The following N4BP2 variants were observed in gnomAD, a reference collection of about 807,000 sequenced individuals.
The protein encoded by N4BP2 is NEDD4-binding protein 2.
A neutral mutation model predicts 152.8 loss-of-function variants in N4BP2; 91 were observed. That is an observed-to-expected ratio of 0.60 (90% confidence interval 0.50 to 0.71). N4BP2 has a LOEUF of 0.71. Ranked by LOEUF, N4BP2 falls within the 30% of genes least tolerant of loss-of-function variation. The pLI, the probability that N4BP2 is intolerant of heterozygous loss-of-function variation, is 0.00. For missense variants in N4BP2, 1,923 were observed against 2,059.1 expected (o/e 0.93, Z 1.28); for synonymous variants, 646 against 705.3 (o/e 0.92, Z 1.33).
rs2109963881 is a variant in N4BP2 at position 40,103,089 on chromosome 4, A to G, written c.1244A>G (p.Asp415Gly). The change falls in exon 4 of 18, where the codon GAT becomes GGT. Residue 415 changes from aspartate to glycine, a missense_variant. Coordinates refer to ENST00000261435, the MANE Select transcript of N4BP2 (RefSeq NM_018177.6). ...CCAACAAAAGTATGGAGAAATAAAG[A>G]TGGAACAAGTGCTTATCAAGTACAA... The part of the protein sequence containing the change: ...TSPTKVWRNK[D>G]GTSAYQVQET... 4 of 1,614,244 alleles carry G rather than the reference A, an allele frequency of 2.5e-6. 1 individual carries two copies. The highest frequency in any genetic ancestry group is 1.6e-4 in the Middle Eastern group (1 of 6,062).
intron 1 of N4BP2, among the ~76,000 whole-genome samples, chr4:40,067,963 A>G (rs1375874126): frequency 6.6e-6 from 1 of 152,184 alleles, no homozygotes. Flanking sequence ...TACAGGCATG[A>G]GCCACTGCAC....
Position 40,155,661 on chromosome 4 carries a change from T to C in N4BP2, c.*1424T>C, listed in dbSNP as rs898100079. ...TTGCCTTTGGAGATGGAGAATATTTTCAACATACATAATTTTAACAAATAG... is the reference window on the plus strand; with the variant it reads ...TTGCCTTTGGAGATGGAGAATATTTCCAACATACATAATTTTAACAAATAG... On this transcript the variant is annotated 3_prime_UTR_variant, in exon 18 of 18. Transcript: ENST00000261435. The C allele has an allele frequency of 2.0e-5, 3 of 152,178 alleles. No individual in the cohort carries two copies. The highest frequency in any genetic ancestry group is 4.4e-5 in the Non-Finnish European group (3 of 68,016). The allele number at this position is 152,178 out of a possible 1,614,324, so 9.4% of individuals were successfully genotyped here.
At chr4:40,106,844 A>G in intron 4 of N4BP2, 56 bp from the exon 5 acceptor site, 1 of 1,517,614 alleles carries the variant, frequency 6.6e-7, no homozygotes. Flanking sequence ...TGGAAAAATT[A>G]GGAGAGAAAA....
At chr4:40,182,999 A>ATATAC in the N4BP2 span, among the ~76,000 whole-genome samples, 12 of 152,082 alleles carry the variant, frequency 7.9e-5, no homozygotes, top group African/African-American at 2.9e-4. Context: ...TTTTAATATA[A>ATATAC]AAATTGTGTA....
At position 40,117,882 on chromosome 4, in the gene N4BP2, G is replaced by A. The variant is rs773393390; in HGVS notation, c.1678G>A (p.Gly560Arg). ...PKELARRNIH[G>R]VSKEKITRML... ...TGGAATTTTCAGGCGTAACATTCAT[G>A]GGGTAAGCAAAGAAAAAATAACAAG... The change falls in exon 8 of 18, where the codon GGG becomes AGG. Residue 560 changes from glycine (G) to arginine (R), a missense_variant. By Grantham distance (125) the Gly-to-Arg change is moderately radical. Transcript: ENST00000261435. 3.7e-6 allele frequency: 6 copies of A among 1,605,974 alleles called. No homozygotes were observed. The Admixed American group carries it at 8.5e-5, about 23-fold the overall frequency.
rs573194079 is a variant in N4BP2 at position 40,079,282 on chromosome 4, T to C, written c.-115+5731T>C. ...TTTCAGTAGGAAGGTTTTGTATTTT[T>C]TGTTTATTTATTTATTTAGAGATAG... On this transcript the variant is annotated intron_variant, in intron 2 of 17. Transcript: ENST00000261435. Among the ~76,000 whole-genome samples, 7 of 152,172 alleles carry C rather than the reference T, an allele frequency of 4.6e-5. No homozygotes were observed. In the South Asian group the frequency reaches 1.4e-3, roughly 32 times the overall value.
At chr4:40,164,729 G>A in the N4BP2 span, among the ~76,000 whole-genome samples, 1 of 152,230 alleles carries the variant, frequency 6.6e-6, no homozygotes, top group South Asian at 2.1e-4. Flanking sequence ...TTCTGAAACA[G>A]TTCTTTGCAG....
intron 1 of N4BP2, among the ~76,000 whole-genome samples, chr4:40,059,369 G>C (rs1733477092): frequency 6.6e-6 from 1 of 151,876 alleles, no homozygotes; most frequent in Non-Finnish European, 1.5e-5. Flanking sequence ...AATTTAAGAA[G>C]AGATTGAGCA....
the N4BP2 span, among the ~76,000 whole-genome samples, chr4:40,183,524 G>A: frequency 7.3e-4 from 111 of 152,180 alleles, no homozygotes; most frequent in South Asian, 1.7e-3. Flanking sequence ...TTTTAGTAGA[G>A]ACGGGGTTTC....
In N4BP2 at chr4:40,131,921, T is replaced by A; in HGVS notation, c.4646+2T>A. 1 of 1,529,626 alleles carries A rather than the reference T, an allele frequency of 6.5e-7. No homozygotes were observed. Among genetic ancestry groups the A allele is most frequent in the Non-Finnish European group, 9.1e-7 (1 of 1,103,302 alleles). The allele number at this position is 1,529,626 out of a possible 1,614,324, so 94.8% of individuals were successfully genotyped here. A position where few individuals can be genotyped will look rare whatever the true frequency, so the allele number is the denominator to read the frequency against. ...GGTGGACATTTTCAAGGACCACAAG[T>A]GAGTGCTAGAAGGATTGTCTGTAGT... On this transcript the variant is annotated splice_donor_variant, in intron 13 of 17. Coordinates refer to ENST00000261435, the MANE Select transcript of N4BP2 (RefSeq NM_018177.6). LOFTEE classifies it high-confidence loss of function.
chr4:40,181,315 G>A, the N4BP2 span, among the ~76,000 whole-genome samples: 10 of 151,928 alleles, frequency 6.6e-5, no homozygotes, highest in South Asian at 2.1e-4. Flanking sequence ...CTTTCTGTTC[G>A]TTTCTTCCGG....
Position 40,136,940 on chromosome 4 carries a change from A to T in N4BP2, c.4647-4A>T. The T allele has an allele frequency of 6.3e-7, 1 of 1,597,166 alleles. No homozygotes were observed. The highest frequency in any genetic ancestry group is 8.5e-7 in the Non-Finnish European group (1 of 1,170,060). On this transcript the variant is annotated splice_region_variant and splice_polypyrimidine_tract_variant and intron_variant, in intron 13 of 17. Transcript: ENST00000261435. ...CATTATGTTTCTACTTAAATTTTCT[A>T]CAGCTATTCATTAGAACACACAGTG...
intron 5 of N4BP2, among the ~76,000 whole-genome samples, chr4:40,109,788 G>A (rs191711708): frequency 5.0e-4 from 76 of 151,984 alleles, no homozygotes; most frequent in African/African-American, 1.5e-3. Flanking sequence ...GTTAATAGGC[G>A]GAATTCATTT....
intron 16 of N4BP2, among the ~76,000 whole-genome samples, chr4:40,148,186 C>T (rs937265497): frequency 4.6e-5 from 7 of 152,336 alleles, no homozygotes; most frequent in South Asian, 2.1e-4. Flanking sequence ...AACGAGACTC[C>T]GTCTGCAATC....
In N4BP2 at chr4:40,120,915, C is replaced by T. The variant is rs1476816229; in HGVS notation, c.2804C>T (p.Ser935Phe). 1.2e-6 allele frequency: 2 copies of T among 1,613,942 alleles called. No homozygotes were observed. The highest frequency in any genetic ancestry group is 1.7e-6 in the Non-Finnish European group (2 of 1,180,018). ...TAHEACWGTS[S>F]QKLKTLGSSN... is the part of the protein sequence containing the mutation. Reference sequence around the variant, plus strand: ...CATGAGGCCTGTTGGGGCACAAGCTCTCAAAAACTAAAGACATTGGGTAGC... The same window carrying T: ...CATGAGGCCTGTTGGGGCACAAGCTTTCAAAAACTAAAGACATTGGGTAGC... The change falls in exon 9 of 18, where the codon TCT (serine) becomes TTT (phenylalanine). Residue 935 changes from serine (S) to phenylalanine (F), a missense_variant. Coordinates refer to ENST00000261435, the MANE Select transcript of N4BP2 (RefSeq NM_018177.6).
chr4:40,131,786 A>T lies in N4BP2; in HGVS notation c.4528-15A>T, dbSNP rs750326569. 6.4e-7 allele frequency: 1 copy of T among 1,567,758 alleles called. No homozygotes were observed. Among genetic ancestry groups the T allele is most frequent in the South Asian group, 1.1e-5 (1 of 89,496 alleles). On this transcript the variant is annotated splice_polypyrimidine_tract_variant and intron_variant, in intron 12 of 17. Coordinates refer to ENST00000261435, the MANE Select transcript of N4BP2 (RefSeq NM_018177.6). ...ACATTTCATCTTGAACATGATTTTTATGTTTTTGTTTTAGAAAAGGGAGAC... is the reference window on the plus strand; with the variant it reads ...ACATTTCATCTTGAACATGATTTTTTTGTTTTTGTTTTAGAAAAGGGAGAC...
At chr4:40,165,653 C>A in the N4BP2 span, among the ~76,000 whole-genome samples, 1 of 152,256 alleles carries the variant, frequency 6.6e-6, no homozygotes, top group African/African-American at 2.4e-5. Context: ...TACTATACAT[C>A]TCTATGTACG....
intron 8 of N4BP2, 86 bp downstream of exon 8, chr4:40,118,110 G>A: frequency 1.7e-6 from 2 of 1,162,936 alleles, no homozygotes; most frequent in East Asian, 2.9e-5. Context: ...AATCATTGCT[G>A]ATAAACTTTA....
At position 40,155,207 on chromosome 4, in the gene N4BP2, C is replaced by T. The variant is rs188498141; in HGVS notation, c.*970C>T. On this transcript the variant is annotated 3_prime_UTR_variant, in exon 18 of 18. Transcript: ENST00000261435. ...AGAAGTTCAAGACCAGCCTGGCCAA[C>T]ATGGTGAATCCCCGTCTCTATTAAA... The T allele has an allele frequency of 1.1e-4, 16 of 152,224 alleles. No individual in the cohort carries two copies. Among genetic ancestry groups the T allele is most frequent in the Admixed American group, 1.0e-3 (16 of 15,296 alleles). The allele number at this position is 152,224 out of a possible 1,614,324, so 9.4% of individuals were successfully genotyped here.
Sources: gnomAD v4.1 joint callset for allele counts (sites outside exome capture counted in the v4.1 genomes callset) on GRCh38, gnomAD v4.1.1 for gene constraint, MANE v1.5 for transcripts, NCBI Gene and HGNC (gene_info 2026-07-23, HGNC 2026-07-21) for gene names.